The following CREBRF variants were observed in gnomAD, a reference collection of about 807,000 sequenced individuals.
The protein encoded by CREBRF is CREB3 regulatory factor, also known as UPF0474 protein C5orf41.
A neutral mutation model predicts 66.1 loss-of-function variants in CREBRF; 5 were observed. That is an observed-to-expected ratio of 0.08 (90% confidence interval 0.04 to 0.16). The LOEUF (loss-of-function observed/expected upper bound fraction) is 0.16. Ranked by LOEUF, CREBRF falls within the 10% of genes least tolerant of loss-of-function variation. The pLI is 1.00. For missense variants in CREBRF, 531 were observed against 744.9 expected (o/e 0.71, Z 3.34); for synonymous variants, 229 against 264.4 (o/e 0.87, Z 1.30).
intron 1 of CREBRF, among the ~76,000 whole-genome samples, chr5:173,072,949 A>AT (rs1276290573): frequency 2.0e-5 from 3 of 152,206 alleles, no homozygotes; most frequent in Admixed American, 1.3e-4. Context: ...GGGGAGGAGA[A>AT]TTTAAAGAGT....
chr5:173,108,198 TTCTG>T (rs1324717840), intron 4 of CREBRF, among the ~76,000 whole-genome samples: 2 of 152,062 alleles, frequency 1.3e-5, no homozygotes, highest in African/African-American at 4.8e-5. Flanking sequence ...ATACATAGCT[TTCTG>T]TCTGAGATGT....
intron 2 of CREBRF, chr5:173,085,875 C>G: frequency 1.2e-6 from 1 of 813,392 alleles, no homozygotes; most frequent in Non-Finnish European, 2.2e-6. Flanking sequence ...TCTCTGAGAT[C>G]AGTTTGGGTC....
chr5:173,121,664 G>C (rs867415422), intron 7 of CREBRF, among the ~76,000 whole-genome samples: 2 of 152,222 alleles, frequency 1.3e-5, no homozygotes, highest in South Asian at 2.1e-4. Context: ...GCTTTTCAAG[G>C]TGGGGAAATC....
At chr5:173,067,230 G>A (rs953416578) in intron 1 of CREBRF, among the ~76,000 whole-genome samples, 1 of 152,060 alleles carries the variant, frequency 6.6e-6, no homozygotes, top group Non-Finnish European at 1.5e-5. Flanking sequence ...TAAATAAAAT[G>A]GCTTTAAATA....
intron 6 of CREBRF, among the ~76,000 whole-genome samples, chr5:173,111,610 T>C (rs2113775103): frequency 6.6e-6 from 1 of 152,362 alleles, no homozygotes. Context: ...TTTTGGTTGC[T>C]GAGTTGTATT....
At chr5:173,073,978 T>TAAAAATAAATAAATAA in intron 1 of CREBRF, among the ~76,000 whole-genome samples, 1 of 89,922 alleles carries the variant, frequency 1.1e-5, no homozygotes, top group African/African-American at 4.7e-5. Flanking sequence ...AAATAAAAAA[T>TAAAAATAAATAAATAA]AAAAATAAAT....
At chr5:173,133,515 G>T in intron 8 of CREBRF, 115 bp from the exon 9 acceptor site, 1 of 511,718 alleles carries the variant, frequency 2.0e-6, no homozygotes. Flanking sequence ...GAATTCATTT[G>T]GGACCAGTAT....
intron 1 of CREBRF, among the ~76,000 whole-genome samples, chr5:173,076,802 T>C (rs1487733430): frequency 1.3e-5 from 2 of 149,260 alleles, no homozygotes; most frequent in East Asian, 3.9e-4. Context: ...CCTCTTAGAA[T>C]TGTGGATCTG....
At chr5:173,058,887 C>T (rs1375795558) in intron 1 of CREBRF, among the ~76,000 whole-genome samples, 1 of 150,104 alleles carries the variant, frequency 6.7e-6, no homozygotes, top group East Asian at 2.0e-4. Flanking sequence ...CCTCCGCCTG[C>T]CGGGTTCTAG....
At chr5:173,069,298 G>A (rs1252520417) in intron 1 of CREBRF, among the ~76,000 whole-genome samples, 1 of 151,974 alleles carries the variant, frequency 6.6e-6, no homozygotes, top group Admixed American at 6.5e-5. Context: ...TATACATAAA[G>A]TAAGGCAGAT....
chr5:173,112,291 T>C lies in CREBRF; in HGVS notation c.1608-15T>C, dbSNP rs202024692. The C allele has an allele frequency of 1.3e-6, 2 of 1,558,818 alleles. No individual in the cohort carries two copies. Among genetic ancestry groups the C allele is most frequent in the South Asian group, 1.2e-5 (1 of 82,264 alleles). On this transcript the variant is annotated splice_polypyrimidine_tract_variant and intron_variant, in intron 6 of 8. Coordinates refer to ENST00000296953, the MANE Select transcript of CREBRF (RefSeq NM_153607.3). Reference sequence around the variant, plus strand: ...AAGAAAAAGAAAGTGAACTAACTGCTCCTTCCTTTCACAGAGCTTGTCGGT... The same window carrying C: ...AAGAAAAAGAAAGTGAACTAACTGCCCCTTCCTTTCACAGAGCTTGTCGGT...
At chr5:173,098,367 T>A (rs1027152734) in intron 4 of CREBRF, among the ~76,000 whole-genome samples, 2 of 152,152 alleles carry the variant, frequency 1.3e-5, no homozygotes, top group Non-Finnish European at 2.9e-5. Flanking sequence ...TTTGTATTTT[T>A]TAGTAGAGAT....
At chr5:173,123,259 T>C in intron 8 of CREBRF, 57 bp downstream of exon 8, 1 of 1,505,886 alleles carries the variant, frequency 6.6e-7, no homozygotes, top group Non-Finnish European at 8.9e-7. Flanking sequence ...AGATGTATGA[T>C]TTAAGGGGAT....
rs561074124 is a variant in CREBRF at position 173,063,801 on chromosome 5, G to A, written c.-192+7322G>A. 1.7e-4 allele frequency among the ~76,000 whole-genome samples: 26 copies of A among 151,196 alleles called. 1 individual carries two copies. Among genetic ancestry groups the A allele is most frequent in the African/African-American group, 5.6e-4 (23 of 41,156 alleles). On this transcript the variant is annotated intron_variant, in intron 1 of 8. Coordinates refer to ENST00000296953, the MANE Select transcript of CREBRF (RefSeq NM_153607.3). ...GCAGTGGTGTAATCTCTGCCCCTGC[G>A]ACCTTCGCATCCTGGGTTCAAGCAA...
intron 4 of CREBRF, among the ~76,000 whole-genome samples, chr5:173,098,424 T>C (rs1758531512): frequency 6.6e-6 from 1 of 152,174 alleles, no homozygotes; most frequent in African/African-American, 2.4e-5. Flanking sequence ...CCTTCTGATT[T>C]CCTTCTGATT....
At chr5:173,116,240 G>A (rs1581039035) in intron 7 of CREBRF, among the ~76,000 whole-genome samples, 1 of 152,208 alleles carries the variant, frequency 6.6e-6, no homozygotes, top group African/African-American at 2.4e-5. Context: ...CAGCTTTACC[G>A]AGGTATAATT....
At chr5:173,120,154 A>ATAGAATTAATTATAG (rs1581043081) in intron 7 of CREBRF, among the ~76,000 whole-genome samples, 1 of 152,184 alleles carries the variant, frequency 6.6e-6, no homozygotes, top group East Asian at 1.9e-4. Flanking sequence ...TACCAGGGCT[A>ATAGAATTAATTATAG]TACTGGCCTT....
intron 8 of CREBRF, among the ~76,000 whole-genome samples, chr5:173,125,139 C>T (rs936932777): frequency 1.2e-4 from 18 of 151,918 alleles, no homozygotes; most frequent in African/African-American, 3.9e-4. Flanking sequence ...AGGCTGGTCT[C>T]GAACTCCTGA....
intron 1 of CREBRF, among the ~76,000 whole-genome samples, chr5:173,075,394 T>C (rs1757730272): frequency 6.6e-6 from 1 of 152,194 alleles, no homozygotes; most frequent in Admixed American, 6.5e-5. Flanking sequence ...CTCTGCTGCT[T>C]AAATGTTTTG....
Sources: allele counts gnomAD v4.1 joint callset (sites outside exome capture counted in the v4.1 genomes callset), GRCh38; gene constraint gnomAD v4.1.1; transcripts MANE v1.5; gene names NCBI Gene and HGNC (gene_info 2026-07-23, HGNC 2026-07-21).